Variants in RAI1 observed in about 807,000 individuals in gnomAD.
RAI1 encodes retinoic acid induced 1.
A neutral mutation model predicts 123.8 loss-of-function variants in RAI1; 9 were observed. That is an observed-to-expected ratio of 0.07 (90% CI 0.04 to 0.13). The LOEUF (loss-of-function observed/expected upper bound fraction) is 0.13, where lower values mean the gene tolerates loss of function less well. Ranked by LOEUF, RAI1 falls within the 10% of genes least tolerant of loss-of-function variation. RAI1 has a pLI of 1.00. For missense variants in RAI1, 2,256 were observed against 2,545.8 expected (o/e 0.89, Z 2.45); for synonymous variants, 1,231 against 1,127.3 (o/e 1.09, Z -1.84).
At chr17:17,781,796 G>A (rs1274718725) in intron 2 of RAI1, among the ~76,000 whole-genome samples, 3 of 152,242 alleles carry the variant, frequency 2.0e-5, no homozygotes, top group African/African-American at 7.2e-5. Flanking sequence ...AGCGGCTTAG[G>A]GAGGGAACTG....
chr17:17,796,007 T>C lies in RAI1; in HGVS notation c.3059T>C (p.Leu1020Pro), dbSNP rs2032228313. 1 of 1,596,974 alleles carries C rather than the reference T, an allele frequency of 6.3e-7. No homozygotes were observed. Among genetic ancestry groups the C allele is most frequent in the Non-Finnish European group, 8.5e-7 (1 of 1,173,460 alleles). Residue 1020 changes from leucine to proline, a missense_variant, in exon 3 of 6, where the codon CTG (leucine) becomes CCG (proline). Transcript: ENST00000353383. The surrounding 1 kb of genome is among the most constrained non-coding windows in gnomAD (Gnocchi z 5.8). ...AEDSPCRAPV[L>P]PKDLLLPESC... ...GACTCCCCATGCAGGGCACCAGTGCTGCCCAAAGACCTCTTGCTCCCTGAA... is the reference window on the plus strand; with the variant it reads ...GACTCCCCATGCAGGGCACCAGTGCCGCCCAAAGACCTCTTGCTCCCTGAA...
intron 2 of RAI1, among the ~76,000 whole-genome samples, chr17:17,780,574 C>T (rs1044447561): frequency 1.3e-5 from 2 of 152,288 alleles, no homozygotes; most frequent in African/African-American, 4.8e-5. Context: ...TGGAATACCC[C>T]CTTCTCTTCT....
Position 17,686,568 on chromosome 17 carries a change from CGTGTGTGT to C in RAI1, c.-149+4809_-149+4816del, listed in dbSNP as rs58906330. 2.5e-3 allele frequency among the ~76,000 whole-genome samples: 313 copies of C among 124,500 alleles called. 2 individuals carry two copies. Among genetic ancestry groups the C allele is most frequent in the Middle Eastern group, 0.016 (4 of 250 alleles). The allele number at this position is 124,500 out of a possible 152,430, so 81.7% of individuals were successfully genotyped here. A position where few individuals can be genotyped will look rare whatever the true frequency, so the allele number is the denominator to read the frequency against. ...ATTTCGCTCCACTGGTTCTTGAACC[CGTGTGTGT>C]GTGTGTGTGTGTGTGTGTGTGTGTG... On this transcript the variant is annotated intron_variant, in intron 1 of 5. Transcript: ENST00000353383.
Position 17,809,479 on chromosome 17 carries a change from G to A in RAI1, c.5709+40G>A, listed in dbSNP as rs775698791. The A allele has an allele frequency of 6.5e-7, 1 of 1,549,244 alleles. No homozygotes were observed. Among genetic ancestry groups the A allele is most frequent in the South Asian group, 1.1e-5 (1 of 89,778 alleles). The stretch of plus-strand genomic sequence containing the variant: ...TGTTTTGTAGGGCGAGGGGTGTCAA[G>A]CGGGAGAGGAGCCCCACCTCGCACC... On this transcript the variant is annotated intron_variant, in intron 5 of 5. Transcript: ENST00000353383. The surrounding 1 kb of genome is among the most constrained non-coding windows in gnomAD (Gnocchi z 4.9).
At chr17:17,691,952 G>A (rs1914852133) in intron 1 of RAI1, among the ~76,000 whole-genome samples, 1 of 152,218 alleles carries the variant, frequency 6.6e-6, no homozygotes, top group African/African-American at 2.4e-5. Context: ...CACAGATAGG[G>A]GTGAGGGAGG....
intron 3 of RAI1, chr17:17,802,276 G>A (rs755459170): frequency 1.4e-5 from 6 of 427,870 alleles, no homozygotes; most frequent in Middle Eastern, 3.4e-4. Flanking sequence ...CCACGTCACC[G>A]CCTCCTCTCA....
At chr17:17,684,671 C>CATATATATATATATAT (rs58265371) in intron 1 of RAI1, 1 of 125,870 alleles carries the variant, frequency 7.9e-6, no homozygotes, top group Non-Finnish European at 1.6e-5. Flanking sequence ...TCACTTAATG[C>CATATATATATATATAT]ATATATATAT....
In RAI1 at chr17:17,809,231, G is replaced by T. The variant is rs745558127; in HGVS notation, c.5660-159G>T. 5.3e-6 allele frequency: 4 copies of T among 757,668 alleles called. No homozygotes were observed. In the South Asian group the frequency reaches 5.6e-5, roughly 11 times the overall value. The allele number at this position is 757,668 out of a possible 1,614,324, so 46.9% of individuals were successfully genotyped here. On this transcript the variant is annotated intron_variant, in intron 4 of 5. Transcript: ENST00000353383. The surrounding 1 kb of genome is among the most constrained non-coding windows in gnomAD (Gnocchi z 4.9). ...CCCGCGCCGTGGAGTGGAGTGGAGT[G>T]TGGAGGGTTTTGTGCAGAATCTGAT... is the stretch of plus-strand genomic sequence containing the variant.
At chr17:17,682,343 C>T (rs1488717225) in intron 1 of RAI1, among the ~76,000 whole-genome samples, 3 of 150,598 alleles carry the variant, frequency 2.0e-5, no homozygotes, top group African/African-American at 7.3e-5. Flanking sequence ...GTGTCCCTAC[C>T]CGGGCAGCGG....
At chr17:17,766,829 C>T (rs140252276) in intron 2 of RAI1, among the ~76,000 whole-genome samples, 61 of 152,286 alleles carry the variant, frequency 4.0e-4, no homozygotes, top group African/African-American at 1.4e-3. Context: ...GTCTCTGAGG[C>T]CTGGGAGAGC....
Position 17,795,786 on chromosome 17 carries a change from G to C in RAI1, c.2838G>C (p.Leu946=), listed in dbSNP as rs1372685697. Residue 946 remains leucine, a synonymous_variant, in exon 3 of 6, where the codon CTG becomes CTC. Coordinates refer to ENST00000353383, the MANE Select transcript of RAI1 (RefSeq NM_030665.4). The surrounding 1 kb of genome is among the most constrained non-coding windows in gnomAD (Gnocchi z 5.9). ...TCCAGAGCTGGTTTGAGTCCTCTCTGTCACACATGAAGCCAGGTGAAGAGG... is the reference window on the plus strand; with the variant it reads ...TCCAGAGCTGGTTTGAGTCCTCTCTCTCACACATGAAGCCAGGTGAAGAGG... ...SKVQSWFESS[L]SHMKPGEEGP... is the part of the protein sequence containing the mutation. 4.3e-6 allele frequency: 7 copies of C among 1,613,662 alleles called. No homozygotes were observed. The highest frequency in any genetic ancestry group is 2.2e-5 in the East Asian group (1 of 44,874).
chr17:17,732,655 CTCTATTA>C (rs1916308191), intron 2 of RAI1, among the ~76,000 whole-genome samples: 1 of 152,198 alleles, frequency 6.6e-6, no homozygotes, highest in African/African-American at 2.4e-5. Flanking sequence ...CGGAGCTGGG[CTCTATTA>C]TCATCCCTAT....
Position 17,796,398 on chromosome 17 carries a change from C to T in RAI1, c.3450C>T (p.Thr1150=). 6.2e-7 allele frequency: 1 copy of T among 1,613,726 alleles called. No homozygotes were observed. The highest frequency in any genetic ancestry group is 1.6e-4 in the Middle Eastern group (1 of 6,062). Residue 1150 remains threonine (T), a synonymous_variant, in exon 3 of 6, where the codon ACC becomes ACT. Coordinates refer to ENST00000353383, the MANE Select transcript of RAI1 (RefSeq NM_030665.4). This position sits in a 1 kb window ranked among gnomAD's most constrained non-coding sequence, Gnocchi z 5.8. The part of the protein sequence containing the change: ...DQRSMILRSR[T]KTQEIFHSKR... ...GCTCCATGATCCTTCGGTCACGCAC[C>T]AAAACCCAGGAGATCTTCCACTCCA...
At chr17:17,695,369 G>T (rs1276428310) in intron 1 of RAI1, among the ~76,000 whole-genome samples, 1 of 152,034 alleles carries the variant, frequency 6.6e-6, no homozygotes, top group Non-Finnish European at 1.5e-5. Flanking sequence ...TGGCTGGGAG[G>T]CACATTCCTA....
chr17:17,696,808 A>G (rs148138157), intron 1 of RAI1, among the ~76,000 whole-genome samples: 63 of 152,336 alleles, frequency 4.1e-4, no homozygotes, highest in African/African-American at 1.5e-3. Context: ...TGGCCCAGAT[A>G]TGCCAGGTTT....
chr17:17,782,589 C>T (rs1414897669), intron 2 of RAI1, among the ~76,000 whole-genome samples: 1 of 136,048 alleles, frequency 7.4e-6, no homozygotes. Flanking sequence ...TCATTATTTA[C>T]GAGCGTTAAT....
At chr17:17,736,069 G>A (rs1916423427) in intron 2 of RAI1, among the ~76,000 whole-genome samples, 1 of 152,192 alleles carries the variant, frequency 6.6e-6, no homozygotes, top group African/African-American at 2.4e-5. Context: ...AGGGTTGAGT[G>A]TGGATATCCA....
intron 2 of RAI1, among the ~76,000 whole-genome samples, chr17:17,780,027 G>A (rs1271349229): frequency 4.8e-5 from 7 of 145,896 alleles, no homozygotes; most frequent in Non-Finnish European, 1.0e-4. Context: ...CGCCTGCCTC[G>A]GCCTCCCAAA....
chr17:17,708,170 T>G (rs1299533908), intron 1 of RAI1, among the ~76,000 whole-genome samples: 1 of 152,174 alleles, frequency 6.6e-6, no homozygotes, highest in East Asian at 1.9e-4. Flanking sequence ...TGCCACCCTC[T>G]GATGGTGCTT....
Sources: allele counts gnomAD v4.1 joint callset (sites outside exome capture counted in the v4.1 genomes callset), GRCh38; gene constraint gnomAD v4.1.1; non-coding constraint Gnocchi (gnomAD v3.1); transcripts MANE v1.5; gene names NCBI Gene and HGNC (gene_info 2026-07-23, HGNC 2026-07-21).